The following MAST4 variants were observed in gnomAD, a reference collection of about 807,000 sequenced individuals.
The protein encoded by MAST4 is microtubule-associated serine/threonine-protein kinase 4.
MAST4 carries 89 observed loss-of-function variants against 162.7 expected under a neutral mutation model. The ratio of observed to expected loss-of-function variants is 0.55; its 90% CI spans 0.46 to 0.65. The LOEUF (loss-of-function observed/expected upper bound fraction) is 0.65. Ranked by LOEUF, MAST4 falls within the 30% of genes least tolerant of loss-of-function variation. MAST4 has a pLI of 0.00. For synonymous variants in MAST4, 1,479 were observed against 1,361.1 expected (o/e 1.09, Z -1.91); for missense variants, 3,153 against 3,374.0 (o/e 0.93, Z 1.62).
At chr5:66,822,887 A>G (rs1041580186) in intron 3 of MAST4, among the ~76,000 whole-genome samples, 3 of 152,196 alleles carry the variant, frequency 2.0e-5, no homozygotes, top group African/African-American at 7.2e-5. Context: ...CTCTGGAGTC[A>G]ACCTGACCAA....
At chr5:67,047,058 G>T (rs2150517464) in intron 4 of MAST4, among the ~76,000 whole-genome samples, 1 of 152,354 alleles carries the variant, frequency 6.6e-6, no homozygotes, top group African/African-American at 2.4e-5. Context: ...AAAGAGCACA[G>T]ACTGATGTAA....
intron 1 of MAST4, among the ~76,000 whole-genome samples, chr5:66,644,173 T>C (rs886990211): frequency 1.3e-5 from 2 of 152,052 alleles, no homozygotes; most frequent in African/African-American, 2.4e-5. Flanking sequence ...AAGATCCTAC[T>C]AGATGTATGT....
At chr5:66,636,102 C>T (rs1467745794) in intron 1 of MAST4, among the ~76,000 whole-genome samples, 2 of 151,812 alleles carry the variant, frequency 1.3e-5, no homozygotes, top group Non-Finnish European at 1.5e-5. Flanking sequence ...GGACTAAAGA[C>T]GTATGCCACC....
intron 3 of MAST4, among the ~76,000 whole-genome samples, chr5:66,845,133 A>ACACTTGAAG (rs1405586539): frequency 7.0e-6 from 1 of 143,080 alleles, no homozygotes; most frequent in African/African-American, 2.6e-5. Context: ...ATATACACAC[A>ACACTTGAAG]CACACTTGAA....
At chr5:67,089,359 A>G (rs1367478577) in intron 5 of MAST4, among the ~76,000 whole-genome samples, 5 of 152,202 alleles carry the variant, frequency 3.3e-5, no homozygotes, top group South Asian at 4.1e-4. Flanking sequence ...TAATGGAGAA[A>G]GTAACAAGCC....
intron 5 of MAST4, among the ~76,000 whole-genome samples, chr5:67,057,744 A>G (rs903369425): frequency 6.6e-6 from 1 of 152,106 alleles, no homozygotes; most frequent in Non-Finnish European, 1.5e-5. Flanking sequence ...AAATTTCTGT[A>G]TCAAAAACAA....
chr5:66,849,145 C>T (rs1190656631), intron 3 of MAST4, among the ~76,000 whole-genome samples: 1 of 152,134 alleles, frequency 6.6e-6, no homozygotes, highest in African/African-American at 2.4e-5. Flanking sequence ...ATGAGGGGGT[C>T]ATAAGCCAAA....
At chr5:66,949,342 G>C (rs1338072881) in intron 4 of MAST4, among the ~76,000 whole-genome samples, 1 of 152,196 alleles carries the variant, frequency 6.6e-6, no homozygotes, top group African/African-American at 2.4e-5. Context: ...ACCAGGTGGA[G>C]ATAATTGCAT....
At chr5:66,805,840 T>C (rs947260439) in intron 3 of MAST4, among the ~76,000 whole-genome samples, 3 of 152,206 alleles carry the variant, frequency 2.0e-5, no homozygotes, top group Non-Finnish European at 4.4e-5. Context: ...GCGTTGAGAT[T>C]GTGAGGTCCA....
intron 4 of MAST4, among the ~76,000 whole-genome samples, chr5:67,035,744 A>G (rs1362395692): frequency 6.6e-6 from 1 of 152,098 alleles, no homozygotes; most frequent in Non-Finnish European, 1.5e-5. Context: ...CACAATGCCC[A>G]CCATGGAGCC....
chr5:67,104,130 T>G (rs1765337334), intron 9 of MAST4, among the ~76,000 whole-genome samples: 1 of 152,234 alleles, frequency 6.6e-6, no homozygotes, highest in Non-Finnish European at 1.5e-5. Context: ...GCCCCCAACA[T>G]GCATTAGGGT....
chr5:67,117,941 G>T (rs1256353997), intron 12 of MAST4, among the ~76,000 whole-genome samples: 1 of 152,140 alleles, frequency 6.6e-6, no homozygotes, highest in Non-Finnish European at 1.5e-5. Flanking sequence ...TCCAATCCAA[G>T]ACTGATTATA....
At chr5:66,882,392 A>G (rs1007213114) in intron 3 of MAST4, among the ~76,000 whole-genome samples, 5 of 152,144 alleles carry the variant, frequency 3.3e-5, no homozygotes, top group African/African-American at 1.2e-4. Flanking sequence ...ATATTGTCCC[A>G]CAGATCTTAG....
chr5:66,878,924 A>G (rs914668235), intron 3 of MAST4, among the ~76,000 whole-genome samples: 2 of 152,258 alleles, frequency 1.3e-5, no homozygotes, highest in African/African-American at 2.4e-5. Context: ...CAGTTCACAG[A>G]AAAGCAAATA....
intron 4 of MAST4, among the ~76,000 whole-genome samples, chr5:66,921,620 A>G (rs764839540): frequency 1.3e-5 from 2 of 152,076 alleles, no homozygotes; most frequent in African/African-American, 4.8e-5. Context: ...ATTAGCCGGT[A>G]TGGTGGCGCA....
chr5:67,134,076 T>G (rs79289045), intron 17 of MAST4, among the ~76,000 whole-genome samples: 1,756 of 152,244 alleles, frequency 0.012, 35 homozygotes, highest in African/African-American at 0.038. Context: ...CATTGTAAAG[T>G]TACTTAAGGT....
At chr5:66,766,307 A>G (rs750130875) in intron 2 of MAST4, among the ~76,000 whole-genome samples, 2 of 152,166 alleles carry the variant, frequency 1.3e-5, no homozygotes, top group Non-Finnish European at 2.9e-5. Context: ...GTTGGTTGGA[A>G]TGTAAAAGAA....
At chr5:67,032,577 G>T (rs1352470731) in intron 4 of MAST4, among the ~76,000 whole-genome samples, 1 of 151,930 alleles carries the variant, frequency 6.6e-6, no homozygotes, top group African/African-American at 2.4e-5. Context: ...TTTGGGGGAG[G>T]GCAGAATTAT....
intron 3 of MAST4, among the ~76,000 whole-genome samples, chr5:66,892,089 C>CTTATGCATCA (rs1185868409): frequency 1.3e-5 from 2 of 152,220 alleles, no homozygotes; most frequent in East Asian, 1.9e-4. Flanking sequence ...CATTTTGCAT[C>CTTATGCATCA]TTATGCATCA....
Sources: allele counts gnomAD v4.1 joint callset (sites outside exome capture counted in the v4.1 genomes callset), GRCh38; gene constraint gnomAD v4.1.1; transcripts MANE v1.5; gene names NCBI Gene and HGNC (gene_info 2026-07-23, HGNC 2026-07-21).